The following CSMD1 variants were observed in gnomAD, a reference collection of about 807,000 sequenced individuals.
CSMD1 encodes the protein CUB and Sushi multiple domains 1.
CSMD1 carries 213 observed loss-of-function variants against 417.5 expected under a neutral mutation model. The observed-to-expected ratio is 0.51, with a 90% CI of 0.46 to 0.57. The LOEUF is 0.57. Ranked by LOEUF, CSMD1 falls within the 20% of genes least tolerant of loss-of-function variation. The pLI is 0.00. For missense variants in CSMD1, 6,923 were observed against 4,529.7 expected, an observed-to-expected ratio of 1.53 and a Z score of -15.17; for synonymous variants, 2,862 against 1,736.8, an observed-to-expected ratio of 1.65 and a Z score of -16.11.
At chr8:3,576,746 G>T (rs529448467) in intron 9 of CSMD1, among the ~76,000 whole-genome samples, 1 of 152,258 alleles carries the variant, frequency 6.6e-6, no homozygotes, top group South Asian at 2.1e-4. Flanking sequence ...ACTCTCTAAT[G>T]AGTCTGTTTT....
chr8:3,205,576 A>G lies in CSMD1; in HGVS notation c.4912T>C (p.Ser1638Pro). Residue 1638 changes from serine to proline, a missense_variant, in exon 31 of 70, where the codon TCA becomes CCA. Transcript: ENST00000635120. Reference protein sequence around the residue: ...QYTGSEGVVLSPNYPHNYTAG... With the variant: ...QYTGSEGVVLPPNYPHNYTAG... ...GTGTAATTATGGGGGTAGTTTGGTG[A>G]TAAAACTACCCCTTCTGATCCCGTG... 1 of 1,599,100 alleles carries G rather than the reference A, an allele frequency of 6.3e-7. No individual in the cohort carries two copies. The highest frequency in any genetic ancestry group is 8.5e-7 in the Non-Finnish European group (1 of 1,171,334).
At chr8:4,640,986 T>A (rs989604971) in intron 1 of CSMD1, among the ~76,000 whole-genome samples, 1 of 151,726 alleles carries the variant, frequency 6.6e-6, no homozygotes, top group Non-Finnish European at 1.5e-5. Flanking sequence ...TATATATATG[T>A]ATGTGTATAT....
chr8:4,894,110 C>A (rs577307106), intron 1 of CSMD1, among the ~76,000 whole-genome samples: 1 of 151,958 alleles, frequency 6.6e-6, no homozygotes, highest in Non-Finnish European at 1.5e-5. Flanking sequence ...TATAGGCCTG[C>A]GCACTGTATC....
intron 7 of CSMD1, among the ~76,000 whole-genome samples, chr8:3,674,656 G>T (rs1230104347): frequency 6.6e-6 from 1 of 152,010 alleles, no homozygotes; most frequent in East Asian, 1.9e-4. Flanking sequence ...AGTCAAAAAG[G>T]ACTTGATTTT....
At chr8:3,510,668 T>G (rs536362926) in intron 10 of CSMD1, among the ~76,000 whole-genome samples, 7 of 108,662 alleles carry the variant, frequency 6.4e-5, no homozygotes, top group African/African-American at 8.0e-5. Flanking sequence ...ATGTAAGATA[T>G]AGAGGCAGGA....
At position 4,817,102 on chromosome 8, in the gene CSMD1, C is replaced by CACATT. The variant is rs149364812; in HGVS notation, c.85+177229_85+177230insAATGT. On this transcript the variant is annotated intron_variant, in intron 1 of 69. Coordinates refer to ENST00000635120, the MANE Select transcript of CSMD1 (RefSeq NM_033225.6). Reference sequence around the variant, plus strand: ...TATACAACTTTATTATGTGTATATACATGCCTCCATGTATCTGTATATAAA... The same window carrying CACATT: ...TATACAACTTTATTATGTGTATATACACATTATGCCTCCATGTATCTGTATATAAA... Among the ~76,000 whole-genome samples the CACATT allele has an allele frequency of 1.5e-3, 225 of 152,240 alleles. 7 individuals carry two copies. The East Asian group carries it at 0.039, about 27-fold the overall frequency.
chr8:3,186,808 C>T (rs1821789444), intron 36 of CSMD1, among the ~76,000 whole-genome samples: 1 of 152,200 alleles, frequency 6.6e-6, no homozygotes, highest in Non-Finnish European at 1.5e-5. Flanking sequence ...CTTTTTCTGT[C>T]ATCTTGGACA....
intron 45 of CSMD1, 115 bp downstream of exon 45, chr8:3,107,603 T>TTTTTGC: frequency 1.5e-6 from 1 of 668,428 alleles, no homozygotes; most frequent in Non-Finnish European, 2.6e-6. Flanking sequence ...TTTGTTTCTG[T>TTTTTGC]TTTTGTTTCT....
intron 3 of CSMD1, among the ~76,000 whole-genome samples, chr8:4,161,503 G>C (rs985694837): frequency 2.0e-5 from 3 of 152,148 alleles, no homozygotes; most frequent in Non-Finnish European, 2.9e-5. Flanking sequence ...AAAGAAAAAG[G>C]ACTGAACCCA....
At chr8:4,227,730 C>A (rs1307499277) in intron 3 of CSMD1, among the ~76,000 whole-genome samples, 179 of 120,124 alleles carry the variant, frequency 1.5e-3, no homozygotes, top group Middle Eastern at 6.0e-3. Flanking sequence ...CCCACATTAA[C>A]TCCCACACCT....
At chr8:4,485,890 A>C (rs1801351335) in intron 2 of CSMD1, among the ~76,000 whole-genome samples, 1 of 152,044 alleles carries the variant, frequency 6.6e-6, no homozygotes, top group African/African-American at 2.4e-5. Context: ...ACCAGGGAGT[A>C]AGAAGTGGAT....
intron 3 of CSMD1, among the ~76,000 whole-genome samples, chr8:4,150,394 G>A (rs192747488): frequency 1.4e-4 from 21 of 152,294 alleles, no homozygotes; most frequent in East Asian, 7.7e-4. Context: ...ACCTTTGGAA[G>A]TAATGTGGAC....
At chr8:3,938,102 A>C (rs1190101137) in intron 5 of CSMD1, among the ~76,000 whole-genome samples, 1 of 152,192 alleles carries the variant, frequency 6.6e-6, no homozygotes, top group African/African-American at 2.4e-5. Context: ...AAATTTTGAA[A>C]GTGTGAAGCA....
At chr8:3,814,626 G>T (rs561298499) in intron 5 of CSMD1, among the ~76,000 whole-genome samples, 1 of 152,134 alleles carries the variant, frequency 6.6e-6, no homozygotes, top group African/African-American at 2.4e-5. Flanking sequence ...ACACAGAACG[G>T]CCTCCCAAAC....
intron 5 of CSMD1, among the ~76,000 whole-genome samples, chr8:3,833,458 T>G (rs1002586774): frequency 2.0e-5 from 3 of 152,152 alleles, no homozygotes; most frequent in Non-Finnish European, 4.4e-5. Flanking sequence ...TTACAAATCA[T>G]TTATTAATGC....
At chr8:4,087,994 C>G (rs1473363506) in intron 3 of CSMD1, among the ~76,000 whole-genome samples, 2 of 152,068 alleles carry the variant, frequency 1.3e-5, no homozygotes, top group East Asian at 3.9e-4. Flanking sequence ...CTCTGAAGAA[C>G]GTCTAACTTT....
In CSMD1 at chr8:4,120,184, T is replaced by C. The variant is rs528682508; in HGVS notation, c.416-88085A>G. Among the ~76,000 whole-genome samples the C allele has an allele frequency of 5.9e-5, 9 of 152,252 alleles. No homozygotes were observed. The South Asian group carries it at 1.5e-3, about 25-fold the overall frequency. On this transcript the variant is annotated intron_variant, in intron 3 of 69. Transcript: ENST00000635120. ...CACGTACCCCATAAATATATACACC[T>C]ATTGTGTATCCACAAAATTTAAAAT...
intron 2 of CSMD1, among the ~76,000 whole-genome samples, chr8:4,611,378 C>G (rs971279302): frequency 2.0e-5 from 3 of 152,160 alleles, no homozygotes; most frequent in Non-Finnish European, 4.4e-5. Flanking sequence ...TAACTCAGCT[C>G]CCCACTGGCT....
intron 3 of CSMD1, among the ~76,000 whole-genome samples, chr8:4,083,355 C>G (rs907828651): frequency 3.3e-5 from 5 of 152,142 alleles, no homozygotes; most frequent in African/African-American, 9.7e-5. Flanking sequence ...TTGCATTTCT[C>G]TGATGGCCAG....
Sources: gnomAD v4.1 joint callset for allele counts (sites outside exome capture counted in the v4.1 genomes callset) on GRCh38, gnomAD v4.1.1 for gene constraint, MANE v1.5 for transcripts, NCBI Gene and HGNC (gene_info 2026-07-23, HGNC 2026-07-21) for gene names.